DNAH17: variants seen among roughly 807,000 people sequenced by gnomAD.
DNAH17 encodes the protein axonemal beta dynein heavy chain 17.
Under a neutral mutation model 485.6 loss-of-function variants are expected in DNAH17, and 376 were observed. The observed-to-expected ratio is 0.77, with a 90% CI of 0.71 to 0.84. DNAH17 has a LOEUF of 0.84. Among genes scored for constraint, DNAH17 ranks in the 40% least tolerant of loss-of-function variants. The probability of loss-of-function intolerance (pLI) is 0.00; values close to 1 mark genes in which losing one functional copy is unlikely to be tolerated. For missense variants in DNAH17, 6,370 were observed against 5,839.3 expected (o/e 1.09, Z -2.96); for synonymous variants, 3,031 against 2,405.9 (o/e 1.26, Z -7.60).
chr17:78,448,947 C>A (rs690952), intron 69 of DNAH17, among the ~76,000 whole-genome samples: 3,627 of 152,264 alleles, frequency 0.024, 158 homozygotes, highest in African/African-American at 0.079. Context: ...TATAGCCGCA[C>A]AAAACAAATT....
At chr17:78,552,285 G>A (rs1289885735) in intron 15 of DNAH17, among the ~76,000 whole-genome samples, 1 of 152,172 alleles carries the variant, frequency 6.6e-6, no homozygotes, top group African/African-American at 2.4e-5. Context: ...GGAATGAAGG[G>A]AAGACAGGGA....
chr17:78,463,157 G>A (rs2088226665), intron 56 of DNAH17, 80 bp from the exon 57 acceptor site: 2 of 1,365,336 alleles, frequency 1.5e-6, no homozygotes. Flanking sequence ...ACTCACCAGG[G>A]GCCCTGGACA....
At chr17:78,539,652 C>G in intron 18 of DNAH17, 85 bp downstream of exon 18, 1 of 1,147,038 alleles carries the variant, frequency 8.7e-7, no homozygotes, top group Non-Finnish European at 1.2e-6. Context: ...AAATGATAGC[C>G]TGTTCATCAA....
rs2089253383 is a variant in DNAH17, at chr17:78,479,475, G to A, written c.7900+10C>T. ...ACCGATGGGAGAGGGGATGAGGCCA[G>A]CCAGCTTACCCAGGGCCGCGGCCAC... On this transcript the variant is annotated intron_variant, in intron 50 of 80. Coordinates refer to ENST00000389840, the MANE Select transcript of DNAH17 (RefSeq NM_173628.4). 6.2e-7 allele frequency: 1 copy of A among 1,603,832 alleles called. No homozygotes were observed.
chr17:78,569,252 C>T lies in DNAH17; in HGVS notation c.1198G>A (p.Asp400Asn), dbSNP rs1454807387. 6.2e-7 allele frequency: 1 copy of T among 1,604,578 alleles called. No homozygotes were observed. Among genetic ancestry groups the T allele is most frequent in the Non-Finnish European group, 8.5e-7 (1 of 1,175,574 alleles). The change falls in exon 9 of 81, where the codon GAC (aspartate) becomes AAC (asparagine). Residue 400 changes from aspartate (D) to asparagine (N), a missense_variant and splice_region_variant. Coordinates refer to ENST00000389840, the MANE Select transcript of DNAH17 (RefSeq NM_173628.4). Reference protein sequence around the residue: ...CCVNMKLFFKDKEPVPWEFPS... With the variant: ...CCVNMKLFFKNKEPVPWEFPS... The stretch of plus-strand genomic sequence containing the variant: ...AATTCCCAAGGCACGGGCTCTTTGT[C>T]CTTAGAGGAGAGAAAGAGAGATGAG...
chr17:78,458,364 G>A (rs1397400568), intron 62 of DNAH17: 9 of 588,188 alleles, frequency 1.5e-5, no homozygotes, highest in Admixed American at 3.0e-5. Flanking sequence ...TTGGAACCAC[G>A]CGACAGGGCA....
At chr17:78,485,418 G>T in intron 47 of DNAH17, 132 bp downstream of exon 47, 2 of 872,412 alleles carry the variant, frequency 2.3e-6, no homozygotes, top group Non-Finnish European at 1.7e-6. Flanking sequence ...AAAGGCCAGC[G>T]GGTGGGGCAT....
chr17:78,519,192 A>AAAAAAAT (rs1568188789), intron 25 of DNAH17, among the ~76,000 whole-genome samples: 2 of 147,236 alleles, frequency 1.4e-5, no homozygotes, highest in African/African-American at 5.1e-5. Context: ...AAAAAAAAAA[A>AAAAAAAT]AGAAATGTAA....
At chr17:78,567,511 C>T (rs527347892) in intron 9 of DNAH17, among the ~76,000 whole-genome samples, 3 of 152,150 alleles carry the variant, frequency 2.0e-5, no homozygotes, top group African/African-American at 4.8e-5. Flanking sequence ...CCGTTTTCTC[C>T]GCTGTGGGAA....
intron 73 of DNAH17, 123 bp downstream of exon 73, chr17:78,438,967 G>A: frequency 5.7e-6 from 8 of 1,395,280 alleles, no homozygotes; most frequent in African/African-American, 1.5e-5. Flanking sequence ...GTGGTGTTAG[G>A]ATTTCCACCC....
At chr17:78,436,653 G>C (rs940681441) in intron 74 of DNAH17, among the ~76,000 whole-genome samples, 1 of 152,162 alleles carries the variant, frequency 6.6e-6, no homozygotes, top group Admixed American at 6.6e-5. Flanking sequence ...AGACCAGCCT[G>C]GCCAACATAG....
Position 78,500,450 on chromosome 17 carries a change from G to T in DNAH17, c.5495C>A (p.Thr1832Asn). ...GATGAGATGGAGGGACTGGGTCAGG[G>T]TGATATAGCACCTGCAAGTGACCAC... Reference protein sequence around the residue: ...ITPLTDRCYITLTQSLHLIMG... With the variant: ...ITPLTDRCYINLTQSLHLIMG... The change falls in exon 36 of 81, where the codon ACC becomes AAC. Residue 1832 changes from threonine to asparagine, a missense_variant. By Grantham distance (65) the Thr-to-Asn change is moderately conservative. Coordinates refer to ENST00000389840, the MANE Select transcript of DNAH17 (RefSeq NM_173628.4). 6 of 1,584,404 alleles carry T rather than the reference G, an allele frequency of 3.8e-6. No homozygotes were observed. Among genetic ancestry groups the T allele is most frequent in the Non-Finnish European group, 5.1e-6 (6 of 1,168,622 alleles).
intron 80 of DNAH17, 144 bp from the exon 81 acceptor site, chr17:78,424,297 G>GAAGC: frequency 9.7e-7 from 1 of 1,030,446 alleles, no homozygotes; most frequent in Non-Finnish European, 1.4e-6. Context: ...GCCACGGCTG[G>GAAGC]AAGCAGAGGC....
intron 69 of DNAH17, among the ~76,000 whole-genome samples, chr17:78,446,173 C>CAAAA (rs1157464118): frequency 0.24 from 13,563 of 57,200 alleles, 3,375 homozygotes; most frequent in Middle Eastern, 0.31. Flanking sequence ...GACTCTGTCT[C>CAAAA]AAAAAAAAAA....
Position 78,505,335 on chromosome 17 carries a change from G to GTC in DNAH17, c.4912_4913dup (p.Asp1638GlufsTer21). ...ATTCCTGATCAAAAACCATGTACTCGTCCTCCTTGCTGTACATTCCCAGGC... is the reference window on the plus strand; with the variant it reads ...ATTCCTGATCAAAAACCATGTACTCGTCTCCTCCTTGCTGTACATTCCCAGGC... On this transcript the variant is annotated frameshift_variant, in exon 31 of 81. Coordinates refer to ENST00000389840, the MANE Select transcript of DNAH17 (RefSeq NM_173628.4). LOFTEE classifies it high-confidence loss of function. 1 of 1,613,838 alleles carries GTC rather than the reference G, an allele frequency of 6.2e-7. No individual in the cohort carries two copies. Among genetic ancestry groups the GTC allele is most frequent in the Non-Finnish European group, 8.5e-7 (1 of 1,179,850 alleles).
chr17:78,566,945 G>T, intron 10 of DNAH17, 54 bp downstream of exon 10: 2 of 1,555,898 alleles, frequency 1.3e-6, no homozygotes, highest in Admixed American at 1.9e-5. Context: ...CTGGTACCGA[G>T]GCTGGTGCTG....
chr17:78,505,579 A>AGTCATGTTTAGTC, intron 30 of DNAH17, 134 bp from the exon 31 acceptor site: 1 of 1,151,036 alleles, frequency 8.7e-7, no homozygotes, highest in Non-Finnish European at 1.2e-6. Flanking sequence ...AACGTTGACT[A>AGTCATGTTTAGTC]AACATGACTA....
At position 78,485,794 on chromosome 17, in the gene DNAH17, C is replaced by A. The variant is rs1198221894; in HGVS notation, c.7276-37G>T. 2.5e-6 allele frequency: 4 copies of A among 1,601,416 alleles called. No individual in the cohort carries two copies. The African/African-American group carries it at 4.1e-5, about 17-fold the overall frequency. On this transcript the variant is annotated intron_variant, in intron 46 of 80. Transcript: ENST00000389840. ...GAGGGAAGGGGAGGGAGCTGTGATT[C>A]TCAGACACTTCTGCCTCTCGTGGGT... is the stretch of plus-strand genomic sequence containing the variant.
intron 26 of DNAH17, among the ~76,000 whole-genome samples, chr17:78,511,350 C>T (rs945768322): frequency 1.3e-5 from 2 of 152,192 alleles, no homozygotes; most frequent in African/African-American, 4.8e-5. Flanking sequence ...TCAGATGATC[C>T]GCCTGCCTCA....
Sources: gnomAD v4.1 joint callset for allele counts (sites outside exome capture counted in the v4.1 genomes callset) on GRCh38, gnomAD v4.1.1 for gene constraint, MANE v1.5 for transcripts, NCBI Gene and HGNC (gene_info 2026-07-23, HGNC 2026-07-21) for gene names.